The following BLOC1S3 variants were observed in gnomAD, a reference collection of about 807,000 sequenced individuals.
The protein encoded by BLOC1S3 is biogenesis of lysosome-related organelles complex 1 subunit 3.
Under a neutral mutation model 9.1 loss-of-function variants are expected in BLOC1S3, and 7 were observed. The ratio of observed to expected loss-of-function variants is 0.77; its 90% CI spans 0.44 to 1.45. The LOEUF is 1.45. Among genes scored for constraint, BLOC1S3 ranks in the 40% most tolerant of loss-of-function variants. BLOC1S3 has a pLI of 0.01. For synonymous variants in BLOC1S3, 145 were observed against 158.4 expected (o/e 0.92, Z 0.64); for missense variants, 307 against 315.2 (o/e 0.97, Z 0.20).
chr19:45,201,598 T>A (rs376949376), intron 2 of BLOC1S3, among the ~76,000 whole-genome samples: 143 of 152,246 alleles, frequency 9.4e-4, no homozygotes, highest in African/African-American at 3.2e-3. Context: ...GGTCCAGAAA[T>A]GCCATCTGGG....
intron 2 of BLOC1S3, among the ~76,000 whole-genome samples, chr19:45,198,308 T>C (rs1473537767): frequency 1.3e-5 from 2 of 152,138 alleles, no homozygotes; most frequent in Non-Finnish European, 2.9e-5. Context: ...TTTTGTTTTG[T>C]TTTCAGAGTC....
At chr19:45,183,562 G>A (rs1365064197), downstream of BLOC1S3, among the ~76,000 whole-genome samples, 2 of 150,488 alleles carry the variant, frequency 1.3e-5, no homozygotes, top group African/African-American at 2.4e-5. Flanking sequence ...CCTAGGGCGA[G>A]TGGATCACAA....
intron 3 of BLOC1S3, among the ~76,000 whole-genome samples, chr19:45,211,913 G>GTC (rs1393867858): frequency 6.6e-6 from 1 of 152,198 alleles, no homozygotes; most frequent in Non-Finnish European, 1.5e-5. Flanking sequence ...TGACCTCAAG[G>GTC]TCTCCGTGGG....
chr19:45,182,138 G>C (rs1969528858), downstream of BLOC1S3, among the ~76,000 whole-genome samples: 1 of 152,132 alleles, frequency 6.6e-6, no homozygotes, highest in Non-Finnish European at 1.5e-5. Context: ...TTTAAAAATA[G>C]AGATGATAGC....
At chr19:45,200,576 T>C (rs556077804) in intron 2 of BLOC1S3, among the ~76,000 whole-genome samples, 6 of 152,354 alleles carry the variant, frequency 3.9e-5, no homozygotes, top group South Asian at 2.1e-4. Context: ...TTGAATTTCA[T>C]TGAGCTTCCT....
chr19:45,195,216 T>G (rs1285261151), intron 2 of BLOC1S3, among the ~76,000 whole-genome samples: 2 of 151,784 alleles, frequency 1.3e-5, no homozygotes, highest in African/African-American at 4.8e-5. Flanking sequence ...GCCAATTTTT[T>G]ATTCTTTTTG....
intron 2 of BLOC1S3, among the ~76,000 whole-genome samples, chr19:45,194,175 C>T (rs35378044): frequency 0.39 from 48,387 of 123,278 alleles, 9,545 homozygotes; most frequent in Non-Finnish European, 0.46. Flanking sequence ...TGCAGTGGCA[C>T]GATCTCAGCT....
chr19:45,182,630 C>G (rs531788945), downstream of BLOC1S3, among the ~76,000 whole-genome samples: 1 of 152,248 alleles, frequency 6.6e-6, no homozygotes, highest in African/African-American at 2.4e-5. Flanking sequence ...TGCCACTGCA[C>G]TCCATCCTGG....
At position 45,179,280 on chromosome 19, in the gene BLOC1S3, T is replaced by C; in HGVS notation, c.-9-8T>C. On this transcript the variant is annotated splice_polypyrimidine_tract_variant and splice_region_variant and intron_variant, in intron 1 of 1. Transcript: ENST00000433642. The surrounding 1 kb of genome is among the most constrained non-coding windows in gnomAD (Gnocchi z 4.6). ...CTCACGTGCAGTCCCTTCGCTCTTC[T>C]CCCCTAGTTCGGTGCCATGGCGTCC... 2 of 1,562,788 alleles carry C rather than the reference T, an allele frequency of 1.3e-6. No homozygotes were observed. Among genetic ancestry groups the C allele is most frequent in the Non-Finnish European group, 1.7e-6 (2 of 1,163,226 alleles).
chr19:45,188,922 TG>T (rs1281065847), intron 2 of BLOC1S3, among the ~76,000 whole-genome samples: 2 of 152,006 alleles, frequency 1.3e-5, no homozygotes, highest in Non-Finnish European at 2.9e-5. Context: ...TTGCCCAGGC[TG>T]GGGTGCAGTG....
Position 45,179,802 on chromosome 19 carries a change from C to T in BLOC1S3, c.506C>T (p.Ala169Val), listed in dbSNP as rs1969487664. ...SVRLARGDLC[A>V]LAERLDIVAG... is the part of the protein sequence containing the mutation. Reference sequence around the variant, plus strand: ...CGCCTGGCGCGCGGGGACCTTTGTGCGCTGGCCGAGCGTCTGGACATCGTG... The same window carrying T: ...CGCCTGGCGCGCGGGGACCTTTGTGTGCTGGCCGAGCGTCTGGACATCGTG... The change falls in exon 2 of 2, where the codon GCG becomes GTG. Residue 169 changes from alanine (A) to valine (V), a missense_variant. Ala to Val is a moderately conservative substitution (Grantham distance 64, BLOSUM62 0). Coordinates refer to ENST00000433642, the MANE Select transcript of BLOC1S3 (RefSeq NM_212550.5). This position sits in a 1 kb window ranked among gnomAD's most constrained non-coding sequence, Gnocchi z 4.6. 3 of 1,600,156 alleles carry T rather than the reference C, an allele frequency of 1.9e-6. No individual in the cohort carries two copies. The South Asian group carries it at 3.3e-5, about 18-fold the overall frequency.
rs142584236 is a variant in BLOC1S3 at position 45,180,331 on chromosome 19, C to G, written c.*426C>G. ...GATTACTGCTCACTGCAACCTCGACCTCCTGGGCTCAAGTGATCCTCCCAG... is the reference window on the plus strand; with the variant it reads ...GATTACTGCTCACTGCAACCTCGACGTCCTGGGCTCAAGTGATCCTCCCAG... On this transcript the variant is annotated 3_prime_UTR_variant, in exon 2 of 2. Coordinates refer to ENST00000433642, the MANE Select transcript of BLOC1S3 (RefSeq NM_212550.5). 1,759 of 155,708 alleles carry G rather than the reference C, an allele frequency of 0.011. 31 individuals are homozygous for G. The highest frequency in any genetic ancestry group is 0.04 in the African/African-American group (1,621 of 40,718). The allele number at this position is 155,708 out of a possible 1,614,324, so 9.6% of individuals were successfully genotyped here.
rs528893643 is a variant in BLOC1S3, at chr19:45,207,756, T to G, written n.282+5249T>G. On this transcript the variant is annotated intron_variant and non_coding_transcript_variant, in intron 3 of 3. Coordinates refer to the BLOC1S3 transcript ENST00000591569. ...CATCTCAAAAAATTAAAAAAAATTT[T>G]TGCCTAGTGCTACACATAGGAATGT... Among the ~76,000 whole-genome samples the G allele has an allele frequency of 3.0e-4, 45 of 151,822 alleles. No individual in the cohort carries two copies. The South Asian group carries it at 9.2e-3, about 31-fold the overall frequency.
At chr19:45,210,217 A>C (rs1969757563) in intron 3 of BLOC1S3, among the ~76,000 whole-genome samples, 1 of 146,780 alleles carries the variant, frequency 6.8e-6, no homozygotes, top group Non-Finnish European at 1.5e-5. Context: ...TATTAACTAC[A>C]AATGAGTATG....
intron 3 of BLOC1S3, among the ~76,000 whole-genome samples, chr19:45,210,823 T>A (rs1032514602): frequency 6.6e-6 from 1 of 152,204 alleles, no homozygotes; most frequent in African/African-American, 2.4e-5. Flanking sequence ...GGCTCTTATA[T>A]GTTTAATTCA....
chr19:45,209,967 T>C (rs534327259), intron 3 of BLOC1S3, among the ~76,000 whole-genome samples: 1 of 152,136 alleles, frequency 6.6e-6, no homozygotes, highest in South Asian at 2.1e-4. Context: ...CCTGACCTCG[T>C]GATCCGCCCA....
intron 3 of BLOC1S3, chr19:45,213,371 A>AACAG (rs1228229375): frequency 1.2e-6 from 2 of 1,612,004 alleles, no homozygotes; most frequent in South Asian, 2.2e-5. Flanking sequence ...TGGGGAGAGG[A>AACAG]ACAGACAGGT....
downstream of BLOC1S3, among the ~76,000 whole-genome samples, chr19:45,184,940 G>A (rs74943848): frequency 7.3e-6 from 1 of 136,646 alleles, no homozygotes; most frequent in African/African-American, 2.5e-5. Context: ...AAGGAAGGAA[G>A]GGAGGGAGGG....
In BLOC1S3 at chr19:45,179,019, A is replaced by G. The variant is rs894555347; in HGVS notation, c.-10+188A>G. 2.0e-5 allele frequency among the ~76,000 whole-genome samples: 3 copies of G among 152,142 alleles called. No individual in the cohort carries two copies. The highest frequency in any genetic ancestry group is 4.4e-5 in the Non-Finnish European group (3 of 68,032). On this transcript the variant is annotated intron_variant, in intron 1 of 1. Transcript: ENST00000433642. This position sits in a 1 kb window ranked among gnomAD's most constrained non-coding sequence, Gnocchi z 4.6. ...GGCCTCTACTAGGAGGCAAATTCGT[A>G]AAGACCTCGGCTTGGGACTCCGGGA...
Sources: allele counts gnomAD v4.1 joint callset (sites outside exome capture counted in the v4.1 genomes callset), GRCh38; gene constraint gnomAD v4.1.1; non-coding constraint Gnocchi (gnomAD v3.1); transcripts MANE v1.5; gene names NCBI Gene and HGNC (gene_info 2026-07-23, HGNC 2026-07-21).